The following COL4A5 variants were observed in gnomAD, a reference collection of about 807,000 sequenced individuals.
COL4A5 encodes collagen alpha-5(IV) chain.
Under a neutral mutation model 130.2 loss-of-function variants are expected in COL4A5, and 26 were observed. That is an observed-to-expected ratio of 0.20 (90% confidence interval 0.15 to 0.28). COL4A5 has a LOEUF of 0.28. Among genes scored for constraint, COL4A5 ranks in the 10% least tolerant of loss-of-function variants. The pLI is 1.00. For missense variants in COL4A5, 1,131 were observed against 1,344.3 expected (o/e 0.84, Z 2.48); for synonymous variants, 496 against 439.6 (o/e 1.13, Z -1.60).
At chrX:108,623,078 G>C (rs2067087817) in intron 33 of COL4A5, among the ~76,000 whole-genome samples, 1 of 111,828 alleles carries the variant, frequency 8.9e-6, no homozygotes, top group Non-Finnish European at 1.9e-5. Context: ...AATAGACTTA[G>C]GCAGTCAACT....
chrX:108,440,364 G>A, intron 1 of COL4A5, 158 bp downstream of exon 1: 2 of 464,426 alleles, frequency 4.3e-6, no homozygotes, highest in Non-Finnish European at 7.5e-6. Flanking sequence ...TTGCAACACC[G>A]GTAACTCAAG....
rs1281076379 is a variant in COL4A5, at chrX:108,459,436, A to G, written c.81+19230A>G. Among the ~76,000 whole-genome samples the G allele has an allele frequency of 2.7e-5, 3 of 112,015 alleles. No homozygotes were observed. In the East Asian group the frequency reaches 8.3e-4, roughly 31 times the overall value. On this transcript the variant is annotated intron_variant, in intron 1 of 52. Coordinates refer to ENST00000328300, the MANE Select transcript of COL4A5 (RefSeq NM_033380.3). ...CTTCACACATTTTGTACAGTTTCCT[A>G]GTTGTTTGTAGCAAGAGGGCAAGTC...
chrX:108,537,554 A>G (rs926635584), intron 1 of COL4A5, among the ~76,000 whole-genome samples: 2 of 111,817 alleles, frequency 1.8e-5, no homozygotes, highest in Middle Eastern at 9.1e-3. Flanking sequence ...GAAAGGTCAC[A>G]TAGAAACTTG....
intron 1 of COL4A5, among the ~76,000 whole-genome samples, chrX:108,509,498 G>A (rs1198710063): frequency 9.0e-6 from 1 of 111,340 alleles, no homozygotes; most frequent in Non-Finnish European, 1.9e-5. Context: ...GTGGCCAAAG[G>A]ACATAAACAG....
At chrX:108,531,592 A>C (rs2147635189) in intron 1 of COL4A5, among the ~76,000 whole-genome samples, 1 of 110,623 alleles carries the variant, frequency 9.0e-6, no homozygotes, top group African/African-American at 3.3e-5. Flanking sequence ...AGAAGAAAAA[A>C]AATAGCAAAG....
chrX:108,670,642 T>C (rs1428308264), intron 42 of COL4A5: 1 of 334,077 alleles, frequency 3.0e-6, no homozygotes, highest in Admixed American at 3.1e-5. Context: ...TATCAGATCT[T>C]GAAAATATGT....
intron 36 of COL4A5, among the ~76,000 whole-genome samples, chrX:108,635,367 A>G (rs1439654895): frequency 2.7e-5 from 3 of 112,041 alleles, no homozygotes; most frequent in Non-Finnish European, 5.7e-5. Flanking sequence ...TTTATCTAAA[A>G]TGAAAGGGCT....
At chrX:108,521,300 A>G (rs1164284204) in intron 1 of COL4A5, among the ~76,000 whole-genome samples, 1 of 110,879 alleles carries the variant, frequency 9.0e-6, no homozygotes, top group Non-Finnish European at 1.9e-5. Context: ...TGGATCTTTC[A>G]TGTCTCTGTA....
chrX:108,669,386 C>T (rs781157351), intron 41 of COL4A5, among the ~76,000 whole-genome samples: 4 of 112,129 alleles, frequency 3.6e-5, no homozygotes, highest in African/African-American at 1.3e-4. Context: ...ATTTATATTA[C>T]AGTAAAATCT....
intron 24 of COL4A5, among the ~76,000 whole-genome samples, chrX:108,598,159 C>T (rs1362766392): frequency 7.2e-5 from 8 of 110,468 alleles, no homozygotes. Context: ...CCACTGCACT[C>T]CACCCTGGGC....
chrX:108,637,188 C>T (rs2147895968), intron 36 of COL4A5, among the ~76,000 whole-genome samples: 1 of 109,992 alleles, frequency 9.1e-6, no homozygotes, highest in South Asian at 3.9e-4. Context: ...CCCTCCTTGG[C>T]CTCCCGAAGT....
At chrX:108,570,778 G>GC (rs2066051808) in intron 6 of COL4A5, among the ~76,000 whole-genome samples, 1 of 111,320 alleles carries the variant, frequency 9.0e-6, no homozygotes, top group African/African-American at 3.3e-5. Context: ...TTGTTTCTAG[G>GC]ATTACCGTGG....
At chrX:108,468,777 T>C (rs1181783481) in intron 1 of COL4A5, among the ~76,000 whole-genome samples, 2 of 105,139 alleles carry the variant, frequency 1.9e-5, no homozygotes, top group Non-Finnish European at 2.0e-5. Context: ...CTGTTGAGGG[T>C]TTTTTTTTTG....
intron 13 of COL4A5, among the ~76,000 whole-genome samples, chrX:108,578,782 C>T (rs946875138): frequency 1.9e-5 from 2 of 107,545 alleles, no homozygotes; most frequent in Non-Finnish European, 3.8e-5. Flanking sequence ...CAGGTTCAAG[C>T]GATTCTCCTG....
At chrX:108,552,216 A>G (rs28767781) in intron 2 of COL4A5, among the ~76,000 whole-genome samples, 43,300 of 110,773 alleles carry the variant, frequency 0.39, 7,994 homozygotes, top group East Asian at 0.72. Flanking sequence ...AGGTAAAAAA[A>G]AAATGTTATA....
intron 3 of COL4A5, 77 bp from the exon 4 acceptor site, chrX:108,563,805 T>C: frequency 3.5e-6 from 3 of 849,434 alleles, no homozygotes; most frequent in Non-Finnish European, 5.2e-6. Flanking sequence ...AGTTTAAATC[T>C]CCTATTTTAT....
In COL4A5 at chrX:108,659,500, C is replaced by T. The variant is rs777931287; in HGVS notation, c.3373+4043C>T. ...TACTGAGAGGTAGGTGTTAAAATTTCCATTATGATTGTAGAGTTTTCTATT... is the reference window on the plus strand; with the variant it reads ...TACTGAGAGGTAGGTGTTAAAATTTTCATTATGATTGTAGAGTTTTCTATT... On this transcript the variant is annotated intron_variant, in intron 37 of 52. Transcript: ENST00000328300. Among the ~76,000 whole-genome samples, 3 of 110,661 alleles carry T rather than the reference C, an allele frequency of 2.7e-5. No homozygotes were observed. In the South Asian group the frequency reaches 1.1e-3, roughly 41 times the overall value.
intron 36 of COL4A5, chrX:108,626,804 C>T (rs1029016006): frequency 1.3e-6 from 1 of 783,477 alleles, no homozygotes; most frequent in Non-Finnish European, 1.5e-6. Context: ...CCCTCTACTT[C>T]TCTCTTCAAT....
intron 1 of COL4A5, among the ~76,000 whole-genome samples, chrX:108,487,853 T>C (rs1227090860): frequency 8.9e-6 from 1 of 112,360 alleles, no homozygotes. Flanking sequence ...ATCAGCCTGA[T>C]TAGCTACTGA....
Sources: gnomAD v4.1 joint callset for allele counts (sites outside exome capture counted in the v4.1 genomes callset) on GRCh38, gnomAD v4.1.1 for gene constraint, MANE v1.5 for transcripts, NCBI Gene and HGNC (gene_info 2026-07-23, HGNC 2026-07-21) for gene names.